The following CTNNA3 variants were observed in gnomAD, a reference collection of about 807,000 sequenced individuals.
CTNNA3 encodes catenin alpha 3, also known as catenin alpha-3.
Under a neutral mutation model 95.7 loss-of-function variants are expected in CTNNA3, and 76 were observed. The observed-to-expected ratio is 0.79, with a 90% CI of 0.66 to 0.96. The LOEUF is 0.96. CTNNA3 is among the 40% of genes least tolerant of loss of function. The pLI is 0.00. For missense variants in CTNNA3, 1,191 were observed against 1,089.8 expected (o/e 1.09, Z -1.31); for synonymous variants, 431 against 374.4 (o/e 1.15, Z -1.74).
intron 15 of CTNNA3, among the ~76,000 whole-genome samples, chr10:66,010,603 C>T (rs1180887413): frequency 1.3e-5 from 2 of 152,134 alleles, no homozygotes; most frequent in African/African-American, 2.4e-5. Flanking sequence ...CTTCTAAGAG[C>T]TGAGTTTGGG....
chr10:66,824,907 T>C (rs1842442004), intron 7 of CTNNA3, among the ~76,000 whole-genome samples: 1 of 152,160 alleles, frequency 6.6e-6, no homozygotes, highest in South Asian at 2.1e-4. Context: ...TTAACATTAA[T>C]GTGCTAATGC....
At chr10:66,239,423 G>A (rs778735058) in intron 13 of CTNNA3, among the ~76,000 whole-genome samples, 1 of 151,826 alleles carries the variant, frequency 6.6e-6, no homozygotes, top group Non-Finnish European at 1.5e-5. Context: ...AAATCAGTGG[G>A]TAGACTGTTC....
At chr10:67,221,381 T>C (rs947657491) in intron 5 of CTNNA3, among the ~76,000 whole-genome samples, 2 of 152,162 alleles carry the variant, frequency 1.3e-5, no homozygotes, top group Non-Finnish European at 2.9e-5. Context: ...CATATAATCT[T>C]TATAAAAACT....
chr10:66,904,844 T>C (rs1216021295), intron 7 of CTNNA3, among the ~76,000 whole-genome samples: 1 of 152,100 alleles, frequency 6.6e-6, no homozygotes, highest in Non-Finnish European at 1.5e-5. Context: ...CCAATTAGAA[T>C]GGTGATCATT....
At chr10:66,793,075 T>C (rs1158910684) in intron 7 of CTNNA3, among the ~76,000 whole-genome samples, 1 of 152,172 alleles carries the variant, frequency 6.6e-6, no homozygotes, top group Non-Finnish European at 1.5e-5. Context: ...TTGTAATCTA[T>C]TTGTGTTGGA....
intron 11 of CTNNA3, among the ~76,000 whole-genome samples, chr10:66,379,677 A>G (rs2092822053): frequency 6.6e-6 from 1 of 152,192 alleles, no homozygotes; most frequent in African/African-American, 2.4e-5. Flanking sequence ...TTAAAATGAA[A>G]ACAAAATATG....
At chr10:66,544,407 T>A (rs1214849710) in intron 10 of CTNNA3, among the ~76,000 whole-genome samples, 2 of 152,112 alleles carry the variant, frequency 1.3e-5, no homozygotes, top group Non-Finnish European at 2.9e-5. Flanking sequence ...AAACTTTAAG[T>A]TGCTGAGACT....
At chr10:66,111,698 T>A (rs546787045) in intron 13 of CTNNA3, among the ~76,000 whole-genome samples, 2 of 152,228 alleles carry the variant, frequency 1.3e-5, no homozygotes, top group African/African-American at 4.8e-5. Context: ...GATGAAAAAA[T>A]TTCCTGGGAT....
At chr10:66,237,551 T>C (rs1354644710) in intron 13 of CTNNA3, among the ~76,000 whole-genome samples, 1 of 131,748 alleles carries the variant, frequency 7.6e-6, no homozygotes, top group Non-Finnish European at 1.6e-5. Context: ...AAGTACATAA[T>C]AGAGTTTTGT....
chr10:66,487,121 C>A (rs1490614866), intron 11 of CTNNA3, among the ~76,000 whole-genome samples: 1 of 138,434 alleles, frequency 7.2e-6, no homozygotes, highest in Non-Finnish European at 1.5e-5. Context: ...ATCTAATGTA[C>A]AGCATGGTGA....
intron 1 of CTNNA3, among the ~76,000 whole-genome samples, chr10:67,679,049 A>G (rs569779780): frequency 5.9e-5 from 9 of 152,346 alleles, no homozygotes; most frequent in Admixed American, 5.9e-4. Context: ...TTTAAAATAA[A>G]AAGATTGTAC....
At chr10:65,948,770 T>C (rs550519197) in intron 17 of CTNNA3, among the ~76,000 whole-genome samples, 41 of 152,346 alleles carry the variant, frequency 2.7e-4, no homozygotes, top group African/African-American at 8.9e-4. Context: ...TGTTACCATT[T>C]GTTATTCAAA....
intron 7 of CTNNA3, among the ~76,000 whole-genome samples, chr10:66,854,945 C>A (rs1843634472): frequency 6.6e-6 from 1 of 151,674 alleles, no homozygotes; most frequent in South Asian, 2.1e-4. Context: ...CTTCTAATGT[C>A]TAGAAATATT....
At chr10:67,370,754 T>C (rs1013910459) in intron 5 of CTNNA3, among the ~76,000 whole-genome samples, 43 of 152,188 alleles carry the variant, frequency 2.8e-4, no homozygotes, top group African/African-American at 9.2e-4. Context: ...TTTGTGTGTA[T>C]ATGTACATAT....
chr10:66,187,022 A>T (rs2086381148), intron 13 of CTNNA3, among the ~76,000 whole-genome samples: 1 of 152,202 alleles, frequency 6.6e-6, no homozygotes, highest in African/African-American at 2.4e-5. Flanking sequence ...CCAGCAGTTC[A>T]ACGATCATAG....
chr10:67,000,400 G>A (rs1244219739), intron 7 of CTNNA3, among the ~76,000 whole-genome samples: 1 of 152,188 alleles, frequency 6.6e-6, no homozygotes, highest in East Asian at 1.9e-4. Context: ...GTTAAATGCA[G>A]GAGAAATGAA....
At chr10:67,303,411 G>A (rs1332109446) in intron 5 of CTNNA3, among the ~76,000 whole-genome samples, 2 of 152,226 alleles carry the variant, frequency 1.3e-5, no homozygotes, top group Admixed American at 6.5e-5. Flanking sequence ...GAGGGAACCA[G>A]ATAATTTTGT....
At chr10:67,013,698 G>A (rs1490519123) in intron 7 of CTNNA3, among the ~76,000 whole-genome samples, 4 of 152,168 alleles carry the variant, frequency 2.6e-5, no homozygotes, top group South Asian at 4.1e-4. Flanking sequence ...GAAGGTAATA[G>A]GCAGGTAAAG....
chr10:67,114,293 A>G (rs1859060733), intron 7 of CTNNA3, among the ~76,000 whole-genome samples: 1 of 152,138 alleles, frequency 6.6e-6, no homozygotes, highest in African/African-American at 2.4e-5. Context: ...CTCTACATTT[A>G]CATTTTAAAA....
Sources: allele counts gnomAD v4.1 joint callset (sites outside exome capture counted in the v4.1 genomes callset), GRCh38; gene constraint gnomAD v4.1.1; transcripts MANE v1.5; gene names NCBI Gene and HGNC (gene_info 2026-07-23, HGNC 2026-07-21).